The following ZC2HC1B variants were observed in gnomAD, a reference collection of about 807,000 sequenced individuals.
The protein encoded by ZC2HC1B is zinc finger C2HC domain-containing protein 1B.
A neutral mutation model predicts 31.0 loss-of-function variants in ZC2HC1B; 36 were observed. The observed-to-expected ratio is 1.16, with a 90% CI of 0.89 to 1.54. The LOEUF is 1.54. Ranked by LOEUF, ZC2HC1B falls within the 40% of genes most tolerant of loss-of-function variation. The pLI is 0.00. For missense variants in ZC2HC1B, 260 were observed against 268.6 expected, an observed-to-expected ratio of 0.97 and a Z score of 0.22; for synonymous variants, 73 against 88.0, an observed-to-expected ratio of 0.83 and a Z score of 0.95.
In ZC2HC1B at chr6:143,924,092, T is replaced by C. The variant is rs1376361637; in HGVS notation, c.599-13557T>C. ...CTGAGTCATGAGCATGGGATATCTT[T>C]CCATTTGTTTGTGTCCTCTTAACAT... On this transcript the variant is annotated intron_variant, in intron 6 of 7. Transcript: ENST00000237275. The surrounding 1 kb of genome is among the most constrained non-coding windows in gnomAD (Gnocchi z 5.2). Among the ~76,000 whole-genome samples the C allele has an allele frequency of 1.3e-5, 2 of 152,136 alleles. No individual in the cohort carries two copies. Among genetic ancestry groups the C allele is most frequent in the Non-Finnish European group, 2.9e-5 (2 of 68,000 alleles).
intron 4 of ZC2HC1B, among the ~76,000 whole-genome samples, chr6:143,892,206 T>A (rs1403571594): frequency 6.6e-6 from 1 of 151,616 alleles, no homozygotes; most frequent in Non-Finnish European, 1.5e-5. Context: ...AAGTCTCCAA[T>A]CATGATGGAA....
rs1171817545 is a variant in ZC2HC1B at position 143,902,976 on chromosome 6, C to A, written c.490-68C>A. On this transcript the variant is annotated intron_variant, in intron 5 of 7. Coordinates refer to ENST00000237275, the MANE Select transcript of ZC2HC1B (RefSeq NM_001013623.3). ...GCTGGTTAAGTGGGAACAGCTGTAC[C>A]TCCTATGTGGCACCTGAGGTTACAT... The A allele has an allele frequency of 1.6e-5, 23 of 1,434,126 alleles. No homozygotes were observed. The Admixed American group carries it at 4.5e-4, about 28-fold the overall frequency. The allele number at this position is 1,434,126 out of a possible 1,614,324, so 88.8% of individuals were successfully genotyped here. A position where few individuals can be genotyped will look rare whatever the true frequency, so the allele number is the denominator to read the frequency against.
chr6:143,881,705 C>T (rs895383882), intron 1 of ZC2HC1B: 1 of 152,052 alleles, frequency 6.6e-6, no homozygotes, highest in Non-Finnish European at 1.5e-5. Flanking sequence ...CTAGCAATCA[C>T]ATATTCCATG....
At chr6:143,867,381 G>C (rs1777277611) in intron 1 of ZC2HC1B, among the ~76,000 whole-genome samples, 1 of 152,192 alleles carries the variant, frequency 6.6e-6, no homozygotes, top group Admixed American at 6.5e-5. Context: ...GATGAACTGT[G>C]AACAGTCCCT....
intron 6 of ZC2HC1B, 149 bp from the exon 7 acceptor site, chr6:143,937,500 T>A: frequency 3.5e-4 from 163 of 463,726 alleles, no homozygotes; most frequent in Middle Eastern, 6.2e-4. Context: ...CCCACCCTCA[T>A]TGCCCTCCCC....
At chr6:143,888,196 A>G (rs537717725) in intron 4 of ZC2HC1B, among the ~76,000 whole-genome samples, 1 of 152,230 alleles carries the variant, frequency 6.6e-6, no homozygotes, top group African/African-American at 2.4e-5. Context: ...ACCATTATCA[A>G]AAGTCACTTG....
At position 143,899,975 on chromosome 6, in the gene ZC2HC1B, T is replaced by C. The variant is rs1364434751; in HGVS notation, c.489+1284T>C. Among the ~76,000 whole-genome samples, 3 of 152,310 alleles carry C rather than the reference T, an allele frequency of 2.0e-5. No individual in the cohort carries two copies. The East Asian group carries it at 5.8e-4, about 29-fold the overall frequency. ...TCAAAGGCAAGCAAACTTTTTGCCC[T>C]TAAATATCAAAATGGGTTCACCAGC... On this transcript the variant is annotated intron_variant, in intron 5 of 7. Transcript: ENST00000237275. The surrounding 1 kb of genome is among the most constrained non-coding windows in gnomAD (Gnocchi z 5.0).
At chr6:143,875,761 A>G (rs954647407) in intron 1 of ZC2HC1B, among the ~76,000 whole-genome samples, 5 of 150,600 alleles carry the variant, frequency 3.3e-5, no homozygotes, top group African/African-American at 1.2e-4. Flanking sequence ...TCTGAGGAGA[A>G]TCAACATTAT....
intron 1 of ZC2HC1B, among the ~76,000 whole-genome samples, chr6:143,875,831 A>C (rs1777401419): frequency 6.6e-6 from 1 of 150,544 alleles, no homozygotes; most frequent in African/African-American, 2.5e-5. Context: ...CACAGGGTTT[A>C]TCTCCTCAGA....
At chr6:143,925,967 C>T (rs1778035647) in intron 6 of ZC2HC1B, among the ~76,000 whole-genome samples, 1 of 152,138 alleles carries the variant, frequency 6.6e-6, no homozygotes, top group African/African-American at 2.4e-5. Flanking sequence ...GTTGTAATGT[C>T]TCCCTTTTTG....
rs759834182 is a variant in ZC2HC1B, at chr6:143,884,339, G to T, written c.64G>T (p.Gly22Ter). ...GGAATTGTTTCCCTGTGAAGTCTGT[G>T]GAAGACGTTTTGCAGCAGATGTTCT... is the stretch of plus-strand genomic sequence containing the variant. ...NQELFPCEVC[G>*]RRFAADVLER... The change falls in exon 2 of 8, where the codon GGA (glycine) becomes TGA (stop). Residue 22 changes from glycine to a stop codon, truncating the protein, a stop_gained. Coordinates refer to ENST00000237275, the MANE Select transcript of ZC2HC1B (RefSeq NM_001013623.3). LOFTEE classifies it high-confidence loss of function. The surrounding 1 kb of genome is among the most constrained non-coding windows in gnomAD (Gnocchi z 5.1). 1.3e-6 allele frequency: 2 copies of T among 1,534,314 alleles called. No individual in the cohort carries two copies. The highest frequency in any genetic ancestry group is 2.4e-5 in the South Asian group (2 of 81,950).
chr6:143,905,809 A>G lies in ZC2HC1B; in HGVS notation c.598+2657A>G, dbSNP rs1361960339. ...AATGGTTTTTTTTGCATCAATTGAG[A>G]TGATGATGTAATTTTTGTCCTTTAT... On this transcript the variant is annotated intron_variant, in intron 6 of 7. Coordinates refer to ENST00000237275, the MANE Select transcript of ZC2HC1B (RefSeq NM_001013623.3). The surrounding 1 kb of genome is among the most constrained non-coding windows in gnomAD (Gnocchi z 4.2). 6.6e-6 allele frequency among the ~76,000 whole-genome samples: 1 copy of G among 152,092 alleles called. No individual in the cohort carries two copies. The highest frequency in any genetic ancestry group is 2.4e-5 in the African/African-American group (1 of 41,412).
intron 4 of ZC2HC1B, among the ~76,000 whole-genome samples, chr6:143,888,351 T>C (rs939578356): frequency 6.6e-6 from 1 of 152,082 alleles, no homozygotes; most frequent in Non-Finnish European, 1.5e-5. Context: ...CTGCAAAATA[T>C]ACTCAAGTTT....
rs1285955485 is a variant in ZC2HC1B at position 143,883,379 on chromosome 6, A to G, written c.29-925A>G. ...CACTAAACTCCGCTCTTCTCCCACT[A>G]TACTCGCAATCCATTTGCCCCTTCT... On this transcript the variant is annotated intron_variant, in intron 1 of 7. Coordinates refer to ENST00000237275, the MANE Select transcript of ZC2HC1B (RefSeq NM_001013623.3). This position sits in a 1 kb window ranked among gnomAD's most constrained non-coding sequence, Gnocchi z 4.1. Among the ~76,000 whole-genome samples the G allele has an allele frequency of 6.6e-6, 1 of 152,116 alleles. No individual in the cohort carries two copies. Among genetic ancestry groups the G allele is most frequent in the Non-Finnish European group, 1.5e-5 (1 of 68,006 alleles).
At chr6:143,879,485 G>A (rs895146865) in intron 1 of ZC2HC1B, among the ~76,000 whole-genome samples, 15 of 152,118 alleles carry the variant, frequency 9.9e-5, no homozygotes, top group African/African-American at 3.1e-4. Context: ...GGTAAGTTGA[G>A]GCCGTTATTC....
Position 143,938,280 on chromosome 6 carries a change from T to C in ZC2HC1B, c.*153T>C, listed in dbSNP as rs987622796. On this transcript the variant is annotated 3_prime_UTR_variant, in exon 8 of 8. Transcript: ENST00000237275. This position sits in a 1 kb window ranked among gnomAD's most constrained non-coding sequence, Gnocchi z 4.2. ...ATCACTTAGAACAAGTAAAACTTGC[T>C]TCAGATTTTTATTTACTCCCTTTGA... 7 of 152,262 alleles carry C rather than the reference T, an allele frequency of 4.6e-5. No homozygotes were observed. The highest frequency in any genetic ancestry group is 1.0e-4 in the Non-Finnish European group (7 of 68,064). 9.4% of individuals were successfully genotyped at this position (152,262 alleles called of 1,614,324 possible). A position where few individuals can be genotyped will look rare whatever the true frequency, so the allele number is the denominator to read the frequency against.
In ZC2HC1B at chr6:143,884,401, G is replaced by T. The variant is rs765221130; in HGVS notation, c.90+36G>T. 2 of 1,510,604 alleles carry T rather than the reference G, an allele frequency of 1.3e-6. No homozygotes were observed. The highest frequency in any genetic ancestry group is 2.5e-5 in the South Asian group (2 of 80,602). 93.6% of individuals were successfully genotyped at this position (1,510,604 alleles called of 1,614,324 possible). A position where few individuals can be genotyped will look rare whatever the true frequency, so the allele number is the denominator to read the frequency against. On this transcript the variant is annotated intron_variant, in intron 2 of 7. Transcript: ENST00000237275. This position sits in a 1 kb window ranked among gnomAD's most constrained non-coding sequence, Gnocchi z 5.1. ...AGACATTTTGTAGATGTGTTTCATT[G>T]GACTTAAATGAACTGTCAAGTCAGT...
Position 143,899,672 on chromosome 6 carries a change from G to C in ZC2HC1B, c.489+981G>C, listed in dbSNP as rs907988359. ...AACTACAAGTGTGAGCATCGTGCCT[G>C]GCCCCTACAGCCTGTTTAGAAAGCT... On this transcript the variant is annotated intron_variant, in intron 5 of 7. Transcript: ENST00000237275. The surrounding 1 kb of genome is among the most constrained non-coding windows in gnomAD (Gnocchi z 5.0). Among the ~76,000 whole-genome samples, 1 of 152,156 alleles carries C rather than the reference G, an allele frequency of 6.6e-6. No homozygotes were observed. Among genetic ancestry groups the C allele is most frequent in the Non-Finnish European group, 1.5e-5 (1 of 68,024 alleles).
At chr6:143,914,299 C>G (rs1777892487) in intron 6 of ZC2HC1B, among the ~76,000 whole-genome samples, 1 of 152,074 alleles carries the variant, frequency 6.6e-6, no homozygotes, top group Non-Finnish European at 1.5e-5. Flanking sequence ...TCATTCATCT[C>G]CAAATATTTT....
Sources: gnomAD v4.1 joint callset for allele counts (sites outside exome capture counted in the v4.1 genomes callset) on GRCh38, gnomAD v4.1.1 for gene constraint, Gnocchi (gnomAD v3.1) non-coding constraint, MANE v1.5 for transcripts, NCBI Gene and HGNC (gene_info 2026-07-23, HGNC 2026-07-21) for gene names.